Variants in VPS26B observed in about 807,000 individuals in gnomAD.
VPS26B encodes the protein VPS26 retromer complex component B.
A neutral mutation model predicts 33.3 loss-of-function variants in VPS26B; 10 were observed. That is an observed-to-expected ratio of 0.30 (90% CI 0.19 to 0.51). The LOEUF is 0.51. VPS26B is among the 20% of genes least tolerant of loss of function. The pLI, the probability that VPS26B is intolerant of heterozygous loss-of-function variation, is 0.98. For missense variants in VPS26B, 317 were observed against 452.7 expected (o/e 0.70, Z 2.72); for synonymous variants, 190 against 176.9 (o/e 1.07, Z -0.59).
intron 1 of VPS26B, among the ~76,000 whole-genome samples, chr11:134,230,266 T>C (rs965032296): frequency 6.6e-6 from 1 of 152,278 alleles, no homozygotes; most frequent in African/African-American, 2.4e-5. Flanking sequence ...GGCTAGCACA[T>C]AGAAGGTGCC....
chr11:134,247,744 T>C lies in VPS26B; in HGVS notation c.*2154T>C, dbSNP rs1267416868. ...CGTTTGTTTTAATGGTCTTTCTGAT[T>C]AAAGAAAGCCCCTGTGGCTTTGGAG... On this transcript the variant is annotated 3_prime_UTR_variant, in exon 6 of 6. Transcript: ENST00000281187. 2 of 154,844 alleles carry C rather than the reference T, an allele frequency of 1.3e-5. No individual in the cohort carries two copies. The highest frequency in any genetic ancestry group is 2.9e-5 in the Non-Finnish European group (2 of 69,470). 9.6% of individuals were successfully genotyped at this position (154,844 alleles called of 1,614,324 possible). A position where few individuals can be genotyped will look rare whatever the true frequency, so the allele number is the denominator to read the frequency against.
At position 134,240,188 on chromosome 11, in the gene VPS26B, T is replaced by C. The variant is rs1181493780; in HGVS notation, c.545+33T>C. 1.2e-6 allele frequency: 2 copies of C among 1,611,216 alleles called. No individual in the cohort carries two copies. The highest frequency in any genetic ancestry group is 1.7e-5 in the Admixed American group (1 of 60,004). ...TCTCAGTGCCAAGGTTGTGAAATGATTATTTAAGGAGGTTAAGATGGGACT... is the reference window on the plus strand; with the variant it reads ...TCTCAGTGCCAAGGTTGTGAAATGACTATTTAAGGAGGTTAAGATGGGACT... On this transcript the variant is annotated intron_variant, in intron 3 of 5. Transcript: ENST00000281187. This position sits in a 1 kb window ranked among gnomAD's most constrained non-coding sequence, Gnocchi z 4.4.
intron 2 of VPS26B, among the ~76,000 whole-genome samples, chr11:134,238,214 G>T (rs1938662395): frequency 6.6e-6 from 1 of 152,188 alleles, no homozygotes; most frequent in South Asian, 2.1e-4. Context: ...CATCCATATG[G>T]AGAGTTCTTG....
At position 134,244,942 on chromosome 11, in the gene VPS26B, G is replaced by A; in HGVS notation, c.726G>A (p.Glu242=). Residue 242 remains glutamate (E), a synonymous_variant, in exon 5 of 6, where the codon GAG becomes GAA. Transcript: ENST00000281187. This position sits in a 1 kb window ranked among gnomAD's most constrained non-coding sequence, Gnocchi z 4.0. ...EIMDGAPVRG[E]SIPIRLFLAG... Reference sequence around the variant, plus strand: ...ACTCCTGCCCTCCCCCTACAGGAGAGTCCATCCCGATCCGGCTCTTCCTGG... The same window carrying A: ...ACTCCTGCCCTCCCCCTACAGGAGAATCCATCCCGATCCGGCTCTTCCTGG... 2 of 1,612,974 alleles carry A rather than the reference G, an allele frequency of 1.2e-6. No individual in the cohort carries two copies. Among genetic ancestry groups the A allele is most frequent in the South Asian group, 1.1e-5 (1 of 91,086 alleles).
chr11:134,244,867 T>C lies in VPS26B; in HGVS notation c.722-71T>C. ...CACTCCAGTGGCATCTCTGCAGTGG[T>C]CAGAGTGACCTGGTATAAGGGAGAG... On this transcript the variant is annotated intron_variant, in intron 4 of 5. Coordinates refer to ENST00000281187, the MANE Select transcript of VPS26B (RefSeq NM_052875.5). The surrounding 1 kb of genome is among the most constrained non-coding windows in gnomAD (Gnocchi z 4.0). 1.9e-6 allele frequency: 3 copies of C among 1,557,520 alleles called. No individual in the cohort carries two copies. Among genetic ancestry groups the C allele is most frequent in the Non-Finnish European group, 2.6e-6 (3 of 1,156,778 alleles).
chr11:134,242,976 A>G (rs576760362), intron 3 of VPS26B, 143 bp from the exon 4 acceptor site: 5 of 761,192 alleles, frequency 6.6e-6, no homozygotes, highest in Non-Finnish European at 1.1e-5. Flanking sequence ...GTTCAGCCAC[A>G]GCCATGTGGG....
intron 1 of VPS26B, among the ~76,000 whole-genome samples, chr11:134,230,400 G>A (rs1408673551): frequency 1.3e-5 from 2 of 152,162 alleles, no homozygotes; most frequent in Non-Finnish European, 2.9e-5. Context: ...AGATAAGCAA[G>A]AGTTGTTTTA....
At chr11:134,237,583 C>T (rs1019597674) in intron 2 of VPS26B, among the ~76,000 whole-genome samples, 2 of 152,150 alleles carry the variant, frequency 1.3e-5, no homozygotes, top group African/African-American at 4.8e-5. Context: ...ATAACTGATA[C>T]GTTTTTGAAG....
intron 1 of VPS26B, among the ~76,000 whole-genome samples, chr11:134,230,186 G>T (rs1009254858): frequency 6.6e-6 from 1 of 151,558 alleles, no homozygotes; most frequent in Admixed American, 6.6e-5. Flanking sequence ...TAAAAAACTT[G>T]TCTGTCTTTC....
At position 134,245,142 on chromosome 11, in the gene VPS26B, T is replaced by A; in HGVS notation, c.864+62T>A. On this transcript the variant is annotated intron_variant, in intron 5 of 5. Transcript: ENST00000281187. This position sits in a 1 kb window ranked among gnomAD's most constrained non-coding sequence, Gnocchi z 4.7. ...GGACAGAACAGGAGGCTCTCTTTCC[T>A]ATGGAAGGTCAGACTCCATTTTTGC... is the stretch of plus-strand genomic sequence containing the variant. The A allele has an allele frequency of 6.3e-7, 1 of 1,579,236 alleles. No individual in the cohort carries two copies. Among genetic ancestry groups the A allele is most frequent in the Non-Finnish European group, 8.6e-7 (1 of 1,165,836 alleles).
At chr11:134,225,745 C>G (rs551696248) in intron 1 of VPS26B, among the ~76,000 whole-genome samples, 2 of 152,226 alleles carry the variant, frequency 1.3e-5, no homozygotes. Flanking sequence ...CCAATACTGG[C>G]TTTCCCATCG....
At chr11:134,243,040 G>A (rs1455784303) in intron 3 of VPS26B, 79 bp from the exon 4 acceptor site, 43 of 1,451,432 alleles carry the variant, frequency 3.0e-5, no homozygotes, top group South Asian at 7.5e-5. Context: ...ACGCTTGGCC[G>A]TGGCGTGTGC....
chr11:134,246,605 C>T lies in VPS26B; in HGVS notation c.*1015C>T. ...AATGCCCAAGCCCCTTTACCCCTCT[C>T]CCTATAGGTTACACAGGGGAGACCA... On this transcript the variant is annotated 3_prime_UTR_variant, in exon 6 of 6. Coordinates refer to ENST00000281187, the MANE Select transcript of VPS26B (RefSeq NM_052875.5). 6.6e-6 allele frequency: 1 copy of T among 152,432 alleles called. No individual in the cohort carries two copies. The highest frequency in any genetic ancestry group is 3.2e-3 in the Middle Eastern group (1 of 316). The allele number at this position is 152,432 out of a possible 1,614,324, so 9.4% of individuals were successfully genotyped here.
In VPS26B at chr11:134,244,279, G is replaced by C. The variant is rs1333231465; in HGVS notation, c.722-659G>C. On this transcript the variant is annotated intron_variant, in intron 4 of 5. Coordinates refer to ENST00000281187, the MANE Select transcript of VPS26B (RefSeq NM_052875.5). This position sits in a 1 kb window ranked among gnomAD's most constrained non-coding sequence, Gnocchi z 4.0. ...TAGCTTTAGACCACATTATAGGTTT[G>C]GCCTTTCTTGGTAGAATTACTGCCC... The C allele has an allele frequency of 6.6e-6, 1 of 152,194 alleles. No homozygotes were observed. The highest frequency in any genetic ancestry group is 2.4e-5 in the African/African-American group (1 of 41,446). The allele number at this position is 152,194 out of a possible 1,614,324, so 9.4% of individuals were successfully genotyped here.
At chr11:134,225,515 C>T in intron 1 of VPS26B, 170 bp downstream of exon 1, 2 of 683,950 alleles carry the variant, frequency 2.9e-6, no homozygotes, top group South Asian at 1.7e-5. Flanking sequence ...CCCTGCGTTA[C>T]TGTCCTCCCT....
At chr11:134,243,058 T>G (rs1008832776) in intron 3 of VPS26B, 61 bp from the exon 4 acceptor site, 28 of 1,580,946 alleles carry the variant, frequency 1.8e-5, no homozygotes, top group Non-Finnish European at 2.3e-5. Flanking sequence ...TGCGCTCTAC[T>G]GAAACAGAAA....
intron 1 of VPS26B, among the ~76,000 whole-genome samples, chr11:134,229,042 T>A (rs992101563): frequency 5.9e-5 from 9 of 152,266 alleles, no homozygotes; most frequent in East Asian, 1.9e-4. Flanking sequence ...ATTTAAAAAA[T>A]TTTTTGAGAC....
At chr11:134,225,910 G>C (rs1938455940) in intron 1 of VPS26B, among the ~76,000 whole-genome samples, 1 of 152,124 alleles carries the variant, frequency 6.6e-6, no homozygotes. Context: ...ACCTATGCTT[G>C]TACATGTTTC....
intron 3 of VPS26B, among the ~76,000 whole-genome samples, chr11:134,241,893 CGAG>C (rs1938731412): frequency 6.6e-6 from 1 of 152,208 alleles, no homozygotes. Flanking sequence ...ATCTGTAAAA[CGAG>C]GAGCTTGGAC....
Sources: gnomAD v4.1 joint callset for allele counts (sites outside exome capture counted in the v4.1 genomes callset) on GRCh38, gnomAD v4.1.1 for gene constraint, Gnocchi (gnomAD v3.1) non-coding constraint, MANE v1.5 for transcripts, NCBI Gene and HGNC (gene_info 2026-07-23, HGNC 2026-07-21) for gene names.